TCF4: variants seen among roughly 807,000 people sequenced by gnomAD.
TCF4 encodes SL3-3 enhancer factor 2.
In TCF4, 3 loss-of-function variants were observed where a neutral mutation model predicts 82.1. That is an observed-to-expected ratio of 0.04 (90% CI 0.02 to 0.09). The LOEUF (loss-of-function observed/expected upper bound fraction) is 0.09, where lower values mean the gene tolerates loss of function less well. Among genes scored for constraint, TCF4 ranks in the 10% least tolerant of loss-of-function variants. TCF4 has a pLI of 1.00. For missense variants in TCF4, 518 were observed against 852.7 expected, an observed-to-expected ratio of 0.61 and a Z score of 4.89; for synonymous variants, 276 against 309.6, an observed-to-expected ratio of 0.89 and a Z score of 1.14.
chr18:55,474,440 AT>A, intron 3 of TCF4, among the ~76,000 whole-genome samples: 1 of 152,368 alleles, frequency 6.6e-6, no homozygotes, highest in Middle Eastern at 3.4e-3. Context: ...CCATGTTCAT[AT>A]CCCCAAACTA....
rs528197365 is a variant in TCF4, at chr18:55,505,853, G to T, written c.146-41716C>A. ...CCAGAACAAATAACTATGACATGGA[G>T]AACCAACCTTCAAATCTGGGAAACA... On this transcript the variant is annotated intron_variant, in intron 3 of 19. Transcript: ENST00000354452. 1.5e-4 allele frequency among the ~76,000 whole-genome samples: 23 copies of T among 149,366 alleles called. No individual in the cohort carries two copies. In the South Asian group the frequency reaches 5.0e-3, roughly 32 times the overall value.
At chr18:55,592,917 T>C (rs913952942), upstream of TCF4, among the ~76,000 whole-genome samples, 1 of 152,178 alleles carries the variant, frequency 6.6e-6, no homozygotes, top group South Asian at 2.1e-4. Flanking sequence ...TCCCAATTAC[T>C]ATGAGGAGTC....
chr18:55,258,252 C>G (rs1388165469), intron 13 of TCF4, among the ~76,000 whole-genome samples: 1 of 152,112 alleles, frequency 6.6e-6, no homozygotes, highest in African/African-American at 2.4e-5. Context: ...AGAATTTGGA[C>G]AGAGCCGTCG....
At chr18:55,586,368 C>A in intron 2 of TCF4, 1 of 582,156 alleles carries the variant, frequency 1.7e-6, no homozygotes, top group Non-Finnish European at 3.0e-6. Flanking sequence ...ATGTCTGGGA[C>A]TTGGTTTAGG....
intron 8 of TCF4, among the ~76,000 whole-genome samples, chr18:55,292,829 A>AC (rs150323043): frequency 0.23 from 34,837 of 152,066 alleles, 4,449 homozygotes; most frequent in East Asian, 0.33. Context: ...CCCACATTAT[A>AC]CATCTTTATA....
At chr18:55,420,679 A>C (rs1225525923) in intron 5 of TCF4, among the ~76,000 whole-genome samples, 3 of 152,216 alleles carry the variant, frequency 2.0e-5, no homozygotes, top group Non-Finnish European at 4.4e-5. Flanking sequence ...TGGAACGTTC[A>C]GCGTTATAAA....
chr18:55,532,889 T>C (rs1028726055), intron 3 of TCF4, among the ~76,000 whole-genome samples: 1 of 152,132 alleles, frequency 6.6e-6, no homozygotes, highest in Non-Finnish European at 1.5e-5. Flanking sequence ...TTCCTTAACT[T>C]ACCTCTCTGT....
At chr18:55,596,613 G>A (rs1391906426) in intron 2 of TCF4, among the ~76,000 whole-genome samples, 4 of 152,112 alleles carry the variant, frequency 2.6e-5, no homozygotes, top group South Asian at 2.1e-4. Flanking sequence ...CTTTAGAATC[G>A]TGCATGTGAC....
intron 8 of TCF4, among the ~76,000 whole-genome samples, chr18:55,305,089 A>C (rs930027701): frequency 6.6e-6 from 1 of 152,164 alleles, no homozygotes; most frequent in African/African-American, 2.4e-5. Context: ...CTATCTGCTA[A>C]AGCTACTCTT....
At chr18:55,600,595 T>C (rs563029917) in intron 2 of TCF4, among the ~76,000 whole-genome samples, 2 of 152,208 alleles carry the variant, frequency 1.3e-5, no homozygotes, top group African/African-American at 4.8e-5. Flanking sequence ...CAAATGTGCT[T>C]TCCACCTCAG....
At position 55,275,708 on chromosome 18, in the gene TCF4, T is replaced by C; in HGVS notation, c.700A>G (p.Asn234Asp). The change falls in exon 10 of 20, where the codon AAT becomes GAT. Residue 234 changes from asparagine to aspartate, a missense_variant. By Grantham distance (23) the Asn-to-Asp change is conservative. This residue lies in a region of TCF4 where 211 missense variants were observed against 327.4 expected (regional missense o/e 0.64). Transcript: ENST00000354452. The part of the protein sequence containing the change: ...SDPWSSSSGM[N>D]QPGYAGMLGN... ...AACATTCCTGCATAGCCAGGCTGAT[T>C]CATCCCACTGGAGGAGCTCCAAGGG... The C allele has an allele frequency of 6.2e-7, 1 of 1,613,930 alleles. No individual in the cohort carries two copies. The highest frequency in any genetic ancestry group is 1.1e-5 in the South Asian group (1 of 91,080).
Position 55,226,650 on chromosome 18 carries a change from A to C in TCF4, c.*1385T>G, listed in dbSNP as rs1262348735. On this transcript the variant is annotated 3_prime_UTR_variant, in exon 20 of 20. Transcript: ENST00000354452. ...ATTGAATATTGGCATTTTTCAGACG[A>C]AGGAGGAGGCAGTTAAGTCATCTAC... 6.6e-6 allele frequency: 1 copy of C among 152,540 alleles called. No individual in the cohort carries two copies. The highest frequency in any genetic ancestry group is 1.5e-5 in the Non-Finnish European group (1 of 67,984). 9.4% of individuals were successfully genotyped at this position (152,540 alleles called of 1,614,324 possible).
At chr18:55,447,820 A>G (rs2095552297) in intron 5 of TCF4, among the ~76,000 whole-genome samples, 1 of 152,132 alleles carries the variant, frequency 6.6e-6, no homozygotes, top group Non-Finnish European at 1.5e-5. Context: ...GAAAATGAAG[A>G]CAGCTAAGAT....
chr18:55,479,987 A>G (rs775571105), intron 3 of TCF4, among the ~76,000 whole-genome samples: 1 of 152,122 alleles, frequency 6.6e-6, no homozygotes, highest in Non-Finnish European at 1.5e-5. Flanking sequence ...TTCCCCTCTT[A>G]GCATTTCCTC....
intron 6 of TCF4, among the ~76,000 whole-genome samples, chr18:55,360,462 T>C (rs763554517): frequency 6.6e-6 from 1 of 152,190 alleles, no homozygotes; most frequent in Non-Finnish European, 1.5e-5. Context: ...TGCCAACTTT[T>C]CCAGAATGGC....
intron 6 of TCF4, among the ~76,000 whole-genome samples, chr18:55,355,438 C>A (rs1279272134): frequency 2.6e-5 from 4 of 152,128 alleles, no homozygotes; most frequent in Non-Finnish European, 5.9e-5. Flanking sequence ...GCTGAATGTG[C>A]CATTCTGACC....
chr18:55,357,803 A>G (rs895510627), intron 6 of TCF4, among the ~76,000 whole-genome samples: 3 of 152,136 alleles, frequency 2.0e-5, no homozygotes, highest in African/African-American at 7.2e-5. Flanking sequence ...ACCCCACATA[A>G]AGGCTCAATT....
intron 6 of TCF4, among the ~76,000 whole-genome samples, chr18:55,375,486 G>A (rs768463544): frequency 5.9e-5 from 9 of 152,014 alleles, no homozygotes; most frequent in African/African-American, 1.7e-4. Context: ...AACAAAATGC[G>A]AAGCTGACCT....
intron 3 of TCF4, among the ~76,000 whole-genome samples, chr18:55,558,151 G>A (rs2097321559): frequency 6.6e-6 from 1 of 152,126 alleles, no homozygotes; most frequent in African/African-American, 2.4e-5. Flanking sequence ...GTTCGAGGCT[G>A]CAGTGAGCTA....
Sources: allele counts gnomAD v4.1 joint callset (sites outside exome capture counted in the v4.1 genomes callset), GRCh38; gene constraint gnomAD v4.1.1; regional missense constraint gnomAD v4.1.1; transcripts MANE v1.5; gene names NCBI Gene and HGNC (gene_info 2026-07-23, HGNC 2026-07-21).